Variants in SNRNP27 observed in about 807,000 individuals in gnomAD.
SNRNP27 encodes the protein small nuclear ribonucleoprotein U4/U6.U5 subunit 27, also known as U4/U6.U5 small nuclear ribonucleoprotein 27 kDa protein.
Under a neutral mutation model 25.1 loss-of-function variants are expected in SNRNP27, and 22 were observed. The observed-to-expected ratio is 0.88, with a 90% CI of 0.63 to 1.25. The LOEUF is 1.25. SNRNP27 is among the 50% of genes most tolerant of loss of function. The probability of loss-of-function intolerance (pLI) is 0.00; values close to 1 mark genes in which losing one functional copy is unlikely to be tolerated. For missense variants in SNRNP27, 150 were observed against 202.3 expected (o/e 0.74, Z 1.57); for synonymous variants, 66 against 64.9 (o/e 1.02, Z -0.08).
intron 3 of SNRNP27, 68 bp from the exon 4 acceptor site, chr2:69,897,309 C>T: frequency 1.9e-6 from 2 of 1,066,330 alleles, no homozygotes; most frequent in Non-Finnish European, 2.9e-6. Flanking sequence ...AATCTGTTAC[C>T]ACCTCTCTTT....
At chr2:69,895,314 CG>C in intron 2 of SNRNP27, 100 bp downstream of exon 2, 1 of 1,419,630 alleles carries the variant, frequency 7.0e-7, no homozygotes, top group South Asian at 1.4e-5. Flanking sequence ...AGGGGATTTA[CG>C]GTTTCCTGAA....
At chr2:69,895,268 T>C (rs1676580183) in intron 2 of SNRNP27, 54 bp downstream of exon 2, 2 of 1,593,836 alleles carry the variant, frequency 1.3e-6, no homozygotes, top group Non-Finnish European at 1.7e-6. Context: ...CCTAAGAAAC[T>C]GGTCGCAGCT....
intron 4 of SNRNP27, among the ~76,000 whole-genome samples, chr2:69,902,281 CCTTCCTCCTTCCTCCTCCTT>C (rs1446359186): frequency 3.1e-5 from 3 of 96,816 alleles, no homozygotes; most frequent in African/African-American, 1.3e-4. Context: ...TCCTCCTCCT[CCTTCCTCCTTCCTCCTCCTT>C]CTTCCTCCTC....
rs1676608361 is a variant in SNRNP27, at chr2:69,896,678, T to TG, written c.268+130_268+131insG. On this transcript the variant is annotated intron_variant, in intron 3 of 5. Transcript: ENST00000244227. ...CATATGGTTTTGAGTTTTTTTTGGT[T>TG]TTTTTTTTTTTGAGATAGAGTTTCA... 11 of 836,902 alleles carry TG rather than the reference T, an allele frequency of 1.3e-5. No homozygotes were observed. In the South Asian group the frequency reaches 1.6e-4, roughly 12 times the overall value. The allele number at this position is 836,902 out of a possible 1,614,324, so 51.8% of individuals were successfully genotyped here.
At position 69,897,377 on chromosome 2, in the gene SNRNP27, A is replaced by G. The variant is rs1039368405; in HGVS notation, c.269A>G (p.Glu90Gly). ...ETKSKERQIT[E>G]EDLEGKTEEE... ...GTCACAAAATTATTCTTTTTTGCAG[A>G]GGAAGACTTAGAGGGCAAAACAGAG... The change falls in exon 4 of 6, where the codon GAG (glutamate) becomes GGG (glycine). Residue 90 changes from glutamate to glycine, a missense_variant and splice_region_variant. Physicochemically the swap from Glu to Gly is moderately conservative, Grantham distance 98 (BLOSUM62 -2). Coordinates refer to ENST00000244227, the MANE Select transcript of SNRNP27 (RefSeq NM_006857.3). The G allele has an allele frequency of 4.4e-6, 7 of 1,608,656 alleles. No homozygotes were observed. Among genetic ancestry groups the G allele is most frequent in the Non-Finnish European group, 5.9e-6 (7 of 1,176,488 alleles).
chr2:69,897,543 A>G (rs1676626526), intron 4 of SNRNP27, 87 bp downstream of exon 4: 2 of 1,084,926 alleles, frequency 1.8e-6, no homozygotes, highest in African/African-American at 1.6e-5. Context: ...ATACAAATTT[A>G]TTTGGTTATA....
rs1676635790 is a variant in SNRNP27 at position 69,898,270 on chromosome 2, A to G, written c.348+814A>G. On this transcript the variant is annotated intron_variant, in intron 4 of 5. Transcript: ENST00000244227. ...CATTGGGCAGCTGCATACTTGTCTC[A>G]TAGCTTAGAAGTGGGGTGGATAGGG... Among the ~76,000 whole-genome samples the G allele has an allele frequency of 3.1e-5, 3 of 97,450 alleles. 1 individual carries two copies. The highest frequency in any genetic ancestry group is 5.6e-5 in the Non-Finnish European group (3 of 53,130). 63.9% of individuals were successfully genotyped at this position (97,450 alleles called of 152,430 possible).
Position 69,904,827 on chromosome 2 carries a change from C to A in SNRNP27, c.*519C>A. The stretch of plus-strand genomic sequence containing the variant: ...TCTATCTTCTGTGGTCGCCCGCCCC[C>A]CCCCAAAAAAATACCATTTATGGTT... On this transcript the variant is annotated 3_prime_UTR_variant, in exon 6 of 6. Coordinates refer to ENST00000244227, the MANE Select transcript of SNRNP27 (RefSeq NM_006857.3). 1 of 146,402 alleles carries A rather than the reference C, an allele frequency of 6.8e-6. No homozygotes were observed. The highest frequency in any genetic ancestry group is 1.5e-5 in the Non-Finnish European group (1 of 67,298). The allele number at this position is 146,402 out of a possible 1,614,324, so 9.1% of individuals were successfully genotyped here.
intron 5 of SNRNP27, 22 bp downstream of exon 5, chr2:69,903,267 A>G (rs1386437146): frequency 7.2e-6 from 11 of 1,537,642 alleles, no homozygotes; most frequent in Non-Finnish European, 8.1e-6. Context: ...CCCCATTATT[A>G]TGTTTGAACT....
At chr2:69,896,298 C>A in intron 2 of SNRNP27, 138 bp from the exon 3 acceptor site, 1 of 777,422 alleles carries the variant, frequency 1.3e-6, no homozygotes, top group Non-Finnish European at 2.0e-6. Flanking sequence ...CAATCAAGGC[C>A]TTGGCAGAAC....
Position 69,895,214 on chromosome 2 carries a change from G to A in SNRNP27, c.155G>A (p.Arg52Gln). Reference protein sequence around the residue: ...RSRSPHRRRSRSPRRHRSTSP... With the variant: ...RSRSPHRRRSQSPRRHRSTSP... Reference sequence around the variant, plus strand: ...CGATCCCCGCACCGAAGACGCTCCCGGTAAGGGCAGAAAATAAGCCAAGAG... The same window carrying A: ...CGATCCCCGCACCGAAGACGCTCCCAGTAAGGGCAGAAAATAAGCCAAGAG... Residue 52 changes from arginine to glutamine, a missense_variant and splice_region_variant, in exon 2 of 6, where the codon CGA becomes CAA. By Grantham distance (43) the Arg-to-Gln change is conservative. This residue lies in a region of SNRNP27 where 142 missense variants were observed against 168.6 expected (regional missense o/e 0.84). Coordinates refer to ENST00000244227, the MANE Select transcript of SNRNP27 (RefSeq NM_006857.3). 1.2e-6 allele frequency: 2 copies of A among 1,613,000 alleles called. No individual in the cohort carries two copies. Among genetic ancestry groups the A allele is most frequent in the Non-Finnish European group, 1.7e-6 (2 of 1,179,682 alleles).
intron 3 of SNRNP27, 136 bp downstream of exon 3, chr2:69,896,684 T>G: frequency 1.1e-6 from 1 of 885,322 alleles, no homozygotes; most frequent in South Asian, 2.0e-5. Context: ...TGGTTTTTTT[T>G]TTTTTGAGAT....
In SNRNP27 at chr2:69,903,242, A is replaced by G. The variant is rs745307799; in HGVS notation, c.410A>G (p.Tyr137Cys). Residue 137 changes from tyrosine to cysteine, a missense_variant, in exon 5 of 6, where the codon TAC becomes TGC. Tyr to Cys is a radical substitution (Grantham distance 194, BLOSUM62 -2). Coordinates refer to ENST00000244227, the MANE Select transcript of SNRNP27 (RefSeq NM_006857.3). ...YAINVSQKRK[Y>C]RQYMNRKGGF... ...ATAAATGTCTCTCAGAAGAGGAAGT[A>G]CAGGTATGCATAGCCCCCATTATTA... is the stretch of plus-strand genomic sequence containing the variant. The G allele has an allele frequency of 6.2e-7, 1 of 1,607,402 alleles. No individual in the cohort carries two copies. Among genetic ancestry groups the G allele is most frequent in the Non-Finnish European group, 8.5e-7 (1 of 1,173,832 alleles).
chr2:69,895,694 G>T (rs778908709), intron 2 of SNRNP27, among the ~76,000 whole-genome samples: 1 of 152,128 alleles, frequency 6.6e-6, no homozygotes, highest in Non-Finnish European at 1.5e-5. Context: ...AAGTAGCTGG[G>T]ACTACAGGCA....
At chr2:69,897,567 C>A in intron 4 of SNRNP27, 111 bp downstream of exon 4, 1 of 857,540 alleles carries the variant, frequency 1.2e-6, no homozygotes, top group Non-Finnish European at 1.9e-6. Context: ...CAATAACTAT[C>A]TGTTTGAAGG....
At chr2:69,895,307 GGA>G in intron 2 of SNRNP27, 93 bp downstream of exon 2, 1 of 1,453,768 alleles carries the variant, frequency 6.9e-7, no homozygotes. Flanking sequence ...GCTTATAAGG[GGA>G]TTTACGGTTT....
rs1676552503 is a variant in SNRNP27 at position 69,894,005 on chromosome 2, C to T, written c.21C>T (p.Arg7=). Residue 7 remains arginine (R), a synonymous_variant, in exon 1 of 6, where the codon CGC becomes CGT. Transcript: ENST00000244227. ...TCCAAATGGGTCGCAGTCGCAGCCG[C>T]TCTCCACGGAGGGGTGAGTCCTGTA... MGRSRS[R]SPRRERRRSR... The T allele has an allele frequency of 6.2e-7, 1 of 1,614,034 alleles. No individual in the cohort carries two copies. Among genetic ancestry groups the T allele is most frequent in the Non-Finnish European group, 8.5e-7 (1 of 1,179,932 alleles).
At chr2:69,894,283 G>C (rs562998347) in intron 1 of SNRNP27, among the ~76,000 whole-genome samples, 61 of 152,232 alleles carry the variant, frequency 4.0e-4, no homozygotes, top group African/African-American at 1.4e-3. Flanking sequence ...CACTGTGGCC[G>C]GTGGGTTTAG....
chr2:69,898,302 A>G (rs1676636104), intron 4 of SNRNP27, among the ~76,000 whole-genome samples: 1 of 95,086 alleles, frequency 1.1e-5, no homozygotes, highest in Non-Finnish European at 1.9e-5. Flanking sequence ...AGGGGAGGGA[A>G]TGCTGTCTAG....
Sources: gnomAD v4.1 joint callset for allele counts (sites outside exome capture counted in the v4.1 genomes callset) on GRCh38, gnomAD v4.1.1 for gene constraint, gnomAD v4.1.1 regional missense constraint, MANE v1.5 for transcripts, NCBI Gene and HGNC (gene_info 2026-07-23, HGNC 2026-07-21) for gene names.